The following GPC1 variants were observed in gnomAD, a reference collection of about 807,000 sequenced individuals.
The protein encoded by GPC1 is glypican-1.
Under a neutral mutation model 51.5 loss-of-function variants are expected in GPC1, and 26 were observed. The ratio of observed to expected loss-of-function variants is 0.50; its 90% CI spans 0.37 to 0.70. GPC1 has a LOEUF of 0.70. GPC1 is among the 30% of genes least tolerant of loss of function. GPC1 has a pLI of 0.00. For synonymous variants in GPC1, 380 were observed against 348.3 expected (o/e 1.09, Z -1.01); for missense variants, 775 against 800.5 (o/e 0.97, Z 0.38).
intron 8 of GPC1, 90 bp from the exon 9 acceptor site, chr2:240,465,968 T>C: frequency 1.4e-6 from 1 of 690,516 alleles, no homozygotes; most frequent in Non-Finnish European, 2.4e-6. Context: ...GAAAGGATGT[T>C]GGGGTCACCT....
rs377639686 is a variant in GPC1, at chr2:240,466,063, G to A, written c.1450G>A (p.Asp484Asn). 4.4e-5 allele frequency: 70 copies of A among 1,608,664 alleles called. No homozygotes were observed. Among genetic ancestry groups the A allele is most frequent in the Admixed American group, 1.8e-4 (11 of 59,950 alleles). Residue 484 changes from aspartate to asparagine, a missense_variant, in exon 9 of 9, where the codon GAC becomes AAC. By Grantham distance (23) the Asp-to-Asn change is conservative. Transcript: ENST00000264039. Reference protein sequence around the residue: ...NDVDFQDASDDGSGSGSGDGC... With the variant: ...NDVDFQDASDNGSGSGSGDGC... Reference sequence around the variant, plus strand: ...GAGCCTCCTCTCCTTCCCAGGTGACGACGGCAGCGGCTCGGGCAGCGGTGA... The same window carrying A: ...GAGCCTCCTCTCCTTCCCAGGTGACAACGGCAGCGGCTCGGGCAGCGGTGA...
At chr2:240,463,257 A>G in intron 3 of GPC1, 90 bp from the exon 4 acceptor site, 1 of 1,128,050 alleles carries the variant, frequency 8.9e-7, no homozygotes, top group Non-Finnish European at 1.3e-6. Flanking sequence ...TTCCCTCCAG[A>G]GCCCCCTACC....
At chr2:240,449,909 C>T (rs932384899) in intron 1 of GPC1, 1 of 470,570 alleles carries the variant, frequency 2.1e-6, no homozygotes, top group African/African-American at 2.0e-5. Flanking sequence ...TAATCCTATT[C>T]CATTGTATGC....
At chr2:240,445,520 G>A (rs2074043863) in intron 1 of GPC1, among the ~76,000 whole-genome samples, 1 of 152,154 alleles carries the variant, frequency 6.6e-6, no homozygotes, top group South Asian at 2.1e-4. Context: ...TCAGGGGAGG[G>A]GGCACCACTC....
At chr2:240,454,507 C>T (rs2074137625) in intron 1 of GPC1, among the ~76,000 whole-genome samples, 2 of 152,210 alleles carry the variant, frequency 1.3e-5, no homozygotes, top group South Asian at 4.1e-4. Context: ...GCCAGGAAGG[C>T]CCCGTTGCCG....
chr2:240,450,549 A>C, intron 1 of GPC1: 1 of 468,042 alleles, frequency 2.1e-6, no homozygotes. Context: ...TGCGAGGCCC[A>C]TAGTGAGCTC....
At chr2:240,436,766 C>T (rs1000999072) in intron 1 of GPC1, among the ~76,000 whole-genome samples, 60 of 152,372 alleles carry the variant, frequency 3.9e-4, no homozygotes, top group African/African-American at 9.6e-4. Context: ...CGCCGGCCCC[C>T]GCCTGGCGCT....
chr2:240,467,802 A>T lies in GPC1; in HGVS notation c.*1512A>T, dbSNP rs1344413409. The T allele has an allele frequency of 6.6e-6, 1 of 152,216 alleles. No homozygotes were observed. The highest frequency in any genetic ancestry group is 2.1e-4 in the South Asian group (1 of 4,826). The allele number at this position is 152,216 out of a possible 1,614,324, so 9.4% of individuals were successfully genotyped here. A position where few individuals can be genotyped will look rare whatever the true frequency, so the allele number is the denominator to read the frequency against. ...CCCAACACAGGCAAGTCCACCCCATAATAACCCTGCCAGTGCCAGGGTGGG... is the reference window on the plus strand; with the variant it reads ...CCCAACACAGGCAAGTCCACCCCATTATAACCCTGCCAGTGCCAGGGTGGG... On this transcript the variant is annotated 3_prime_UTR_variant, in exon 9 of 9. Transcript: ENST00000264039.
rs750075513 is a variant in GPC1 at position 240,462,402 on chromosome 2, C to T, written c.537C>T (p.His179=). The T allele has an allele frequency of 1.3e-6, 2 of 1,599,470 alleles. No individual in the cohort carries two copies. The highest frequency in any genetic ancestry group is 2.3e-5 in the East Asian group (1 of 44,032). Residue 179 remains histidine (H), a synonymous_variant, in exon 3 of 9, where the codon CAC becomes CAT. Coordinates refer to ENST00000264039, the MANE Select transcript of GPC1 (RefSeq NM_002081.3). The part of the protein sequence containing the change: ...RLLERLFKQL[H]PQLLLPDDYL... ...TCGAGCGCCTCTTCAAGCAGCTGCACCCCCAGCTGCTGCTGCCTGATGACT... is the reference window on the plus strand; with the variant it reads ...TCGAGCGCCTCTTCAAGCAGCTGCATCCCCAGCTGCTGCTGCCTGATGACT...
At position 240,451,687 on chromosome 2, in the gene GPC1, C is replaced by G. The variant is rs1293354672; in HGVS notation, c.167-7343C>G. 1.9e-5 allele frequency: 4 copies of G among 210,280 alleles called. 1 individual carries two copies. In the East Asian group the frequency reaches 5.0e-4, roughly 26 times the overall value. 13.0% of individuals were successfully genotyped at this position (210,280 alleles called of 1,614,324 possible). A position where few individuals can be genotyped will look rare whatever the true frequency, so the allele number is the denominator to read the frequency against. ...GTTCGTGACACAAATTCTGAATCCC[C>G]TTTCATCCCCAGTCTGAGGCCACAG... On this transcript the variant is annotated intron_variant, in intron 1 of 8. Coordinates refer to ENST00000264039, the MANE Select transcript of GPC1 (RefSeq NM_002081.3).
chr2:240,451,464 C>A (rs915115894), intron 1 of GPC1: 2 of 340,660 alleles, frequency 5.9e-6, no homozygotes, highest in Non-Finnish European at 1.2e-5. Flanking sequence ...CCCCACCCTC[C>A]CACAGCCTGC....
chr2:240,444,429 T>A (rs1018272370), intron 1 of GPC1, among the ~76,000 whole-genome samples: 6 of 152,178 alleles, frequency 3.9e-5, no homozygotes, highest in African/African-American at 1.4e-4. Context: ...AGCCCCGTCC[T>A]CACCCGCTGG....
chr2:240,464,840 T>C lies in GPC1; in HGVS notation c.1015-16T>C, dbSNP rs762024320. On this transcript the variant is annotated splice_polypyrimidine_tract_variant and intron_variant, in intron 5 of 8. Transcript: ENST00000264039. The stretch of plus-strand genomic sequence containing the variant: ...GGGCCCCACTACCCCCCAAGGACCC[T>C]GCAGTGTCTCTCCAGGTCATCCAGG... 7.7e-6 allele frequency: 12 copies of C among 1,560,070 alleles called. No individual in the cohort carries two copies. In the South Asian group the frequency reaches 1.3e-4, roughly 17 times the overall value.
intron 1 of GPC1, among the ~76,000 whole-genome samples, chr2:240,453,328 TCCCACCGCCCGCCCCGCTCCCA>T: frequency 1.3e-4 from 1 of 7,674 alleles, no homozygotes; most frequent in Non-Finnish European, 2.4e-4. Context: ...CCCGCCCCGC[TCCCACCGCCCGCCCCGCTCCCA>T]CCGCCCGCCC....
chr2:240,465,760 AC>A, intron 8 of GPC1, 112 bp downstream of exon 8: 4 of 874,700 alleles, frequency 4.6e-6, no homozygotes, highest in Non-Finnish European at 7.1e-6. Flanking sequence ...CTCCGGCATC[AC>A]CACAGTGAGT....
chr2:240,454,448 T>C (rs941113036), intron 1 of GPC1, among the ~76,000 whole-genome samples: 1 of 152,176 alleles, frequency 6.6e-6, no homozygotes, highest in Non-Finnish European at 1.5e-5. Context: ...TGGGGCAGGC[T>C]TCGAGAAGAG....
At position 240,465,009 on chromosome 2, in the gene GPC1, A is replaced by G. The variant is rs113903394; in HGVS notation, c.1134+34A>G. The G allele has an allele frequency of 1.1e-5, 17 of 1,571,858 alleles. No homozygotes were observed. The Middle Eastern group carries it at 6.7e-4, about 62-fold the overall frequency. On this transcript the variant is annotated intron_variant, in intron 6 of 8. Coordinates refer to ENST00000264039, the MANE Select transcript of GPC1 (RefSeq NM_002081.3). Reference sequence around the variant, plus strand: ...CCCCTGCGTGTCCACTGGACCAGGCATGAGGGAGGCAGACAGGCAGAGGCG... The same window carrying G: ...CCCCTGCGTGTCCACTGGACCAGGCGTGAGGGAGGCAGACAGGCAGAGGCG...
chr2:240,464,550 T>TGACCC, intron 4 of GPC1, 66 bp from the exon 5 acceptor site: 1 of 295,220 alleles, frequency 3.4e-6, no homozygotes, highest in Non-Finnish European at 5.0e-6. Context: ...GACGCCTGCG[T>TGACCC]GTGCGTGTCA....
intron 4 of GPC1, 122 bp downstream of exon 4, chr2:240,463,634 G>A (rs974303259): frequency 1.5e-5 from 12 of 800,530 alleles, no homozygotes; most frequent in Admixed American, 2.4e-5. Context: ...GGGATGCCCT[G>A]ACCCGGGCCA....
Sources: allele counts gnomAD v4.1 joint callset (sites outside exome capture counted in the v4.1 genomes callset), GRCh38; gene constraint gnomAD v4.1.1; transcripts MANE v1.5; gene names NCBI Gene and HGNC (gene_info 2026-07-23, HGNC 2026-07-21).